Variants in TSPAN5 observed in about 807,000 individuals in gnomAD.
TSPAN5 encodes the protein tetraspanin 5, also known as tetraspanin-5.
A neutral mutation model predicts 37.1 loss-of-function variants in TSPAN5; 10 were observed. That is an observed-to-expected ratio of 0.27 (90% CI 0.17 to 0.46). The LOEUF (loss-of-function observed/expected upper bound fraction) is 0.46, where lower values mean the gene tolerates loss of function less well. TSPAN5 is among the 20% of genes least tolerant of loss of function. The probability of loss-of-function intolerance (pLI) is 1.00; values close to 1 mark genes in which losing one functional copy is unlikely to be tolerated. For synonymous variants in TSPAN5, 110 were observed against 118.9 expected (o/e 0.93, Z 0.48); for missense variants, 195 against 326.6 (o/e 0.60, Z 3.11).
At chr4:98,478,121 A>G (rs927353439) in intron 5 of TSPAN5, among the ~76,000 whole-genome samples, 3 of 152,172 alleles carry the variant, frequency 2.0e-5, no homozygotes, top group African/African-American at 7.2e-5. Flanking sequence ...GACATTCAGG[A>G]GTCTGGGCAG....
chr4:98,484,713 G>C (rs1752923224), intron 3 of TSPAN5: 4 of 392,482 alleles, frequency 1.0e-5, no homozygotes, highest in Non-Finnish European at 1.5e-5. Context: ...TGTAATCCCA[G>C]CATTCTGGGA....
Position 98,635,957 on chromosome 4 carries a change from G to T in TSPAN5, c.81+22189C>A, listed in dbSNP as rs76004600. On this transcript the variant is annotated intron_variant, in intron 1 of 7. Transcript: ENST00000305798. ...GAAGTTTAGGAAAGAGCACCCAAAG[G>T]GTATAATTCTGGAACCAATTTTGCA... 7.8e-3 allele frequency among the ~76,000 whole-genome samples: 1,184 copies of T among 152,212 alleles called. 20 individuals carry two copies. Among genetic ancestry groups the T allele is most frequent in the African/African-American group, 0.027 (1,138 of 41,528 alleles).
chr4:98,587,442 C>T lies in TSPAN5; in HGVS notation c.81+70704G>A, dbSNP rs541469459. ...GAAGCCTAATTATTAGCTTCTTCCT[C>T]GGCTGTCTGGCTTTTTCTTAGCTCC... On this transcript the variant is annotated intron_variant, in intron 1 of 7. Coordinates refer to ENST00000305798, the MANE Select transcript of TSPAN5 (RefSeq NM_005723.4). Among the ~76,000 whole-genome samples the T allele has an allele frequency of 2.0e-5, 3 of 152,280 alleles. No individual in the cohort carries two copies. In the South Asian group the frequency reaches 6.2e-4, roughly 32 times the overall value.
intron 1 of TSPAN5, among the ~76,000 whole-genome samples, chr4:98,583,970 T>TCC (rs1291601771): frequency 6.6e-6 from 1 of 151,678 alleles, no homozygotes; most frequent in Non-Finnish European, 1.5e-5. Flanking sequence ...TGTCCCTGGC[T>TCC]CCCCCTCCCT....
chr4:98,538,566 G>C (rs1209808871), intron 1 of TSPAN5, among the ~76,000 whole-genome samples: 1 of 152,220 alleles, frequency 6.6e-6, no homozygotes, highest in African/African-American at 2.4e-5. Flanking sequence ...TACACATTAA[G>C]TTAGAGCCAT....
At chr4:98,473,507 C>A (rs374865683) in intron 7 of TSPAN5, among the ~76,000 whole-genome samples, 3 of 147,696 alleles carry the variant, frequency 2.0e-5, no homozygotes, top group Admixed American at 6.8e-5. Context: ...GGCCGGACTG[C>A]GGACTGCAGT....
chr4:98,551,860 G>C (rs916729491), intron 1 of TSPAN5, among the ~76,000 whole-genome samples: 5 of 151,812 alleles, frequency 3.3e-5, no homozygotes, highest in African/African-American at 1.2e-4. Flanking sequence ...TTTTTTTGTT[G>C]AGAGATTTTT....
At chr4:98,641,008 C>A (rs1756953587) in intron 1 of TSPAN5, among the ~76,000 whole-genome samples, 1 of 152,188 alleles carries the variant, frequency 6.6e-6, no homozygotes, top group African/African-American at 2.4e-5. Flanking sequence ...TCCATGGTCA[C>A]ACAGCTTGGA....
chr4:98,493,062 A>T (rs2110271329), intron 2 of TSPAN5, among the ~76,000 whole-genome samples: 1 of 152,272 alleles, frequency 6.6e-6, no homozygotes, highest in Middle Eastern at 3.4e-3. Flanking sequence ...CTGTAGTCCT[A>T]GCTACTTGGG....
intron 1 of TSPAN5, among the ~76,000 whole-genome samples, chr4:98,581,829 A>G (rs1485502240): frequency 6.6e-6 from 1 of 152,238 alleles, no homozygotes; most frequent in Admixed American, 6.5e-5. Context: ...GACCCTCTGC[A>G]TGAAATCAAA....
chr4:98,555,976 C>G (rs1289695995), intron 1 of TSPAN5, among the ~76,000 whole-genome samples: 1 of 122,314 alleles, frequency 8.2e-6, no homozygotes, highest in Non-Finnish European at 1.6e-5. Context: ...CACACGCGCG[C>G]GCACACACAC....
chr4:98,480,055 CT>C (rs1752804862), intron 4 of TSPAN5, among the ~76,000 whole-genome samples: 1 of 152,180 alleles, frequency 6.6e-6, no homozygotes, highest in South Asian at 2.1e-4. Context: ...GGTGACCCCC[CT>C]GGACCCAGCT....
intron 4 of TSPAN5, among the ~76,000 whole-genome samples, chr4:98,480,584 A>T (rs893444937): frequency 1.3e-5 from 2 of 152,156 alleles, no homozygotes; most frequent in Non-Finnish European, 2.9e-5. Flanking sequence ...CTACTTCTAA[A>T]CATTACATTC....
At chr4:98,520,865 G>A (rs144868431) in intron 1 of TSPAN5, among the ~76,000 whole-genome samples, 70 of 151,612 alleles carry the variant, frequency 4.6e-4, no homozygotes, top group African/African-American at 1.2e-3. Context: ...TCATGGAATC[G>A]GTACTTATCT....
At chr4:98,647,302 T>C (rs541645437) in intron 1 of TSPAN5, among the ~76,000 whole-genome samples, 2 of 152,334 alleles carry the variant, frequency 1.3e-5, no homozygotes, top group South Asian at 2.1e-4. Context: ...ATTAGATTAC[T>C]TACTTGGCAG....
At chr4:98,618,496 C>A (rs1756398872) in intron 1 of TSPAN5, among the ~76,000 whole-genome samples, 1 of 152,190 alleles carries the variant, frequency 6.6e-6, no homozygotes, top group South Asian at 2.1e-4. Flanking sequence ...ATTGATTGAG[C>A]TTCACTACGT....
intron 2 of TSPAN5, among the ~76,000 whole-genome samples, chr4:98,490,075 C>G (rs1292685362): frequency 6.6e-6 from 1 of 152,164 alleles, no homozygotes. Flanking sequence ...TTTAGGATTC[C>G]TTTCAACTTT....
At chr4:98,606,280 T>C (rs1002307306) in intron 1 of TSPAN5, among the ~76,000 whole-genome samples, 1 of 152,230 alleles carries the variant, frequency 6.6e-6, no homozygotes, top group South Asian at 2.1e-4. Context: ...TCAAGTTCAA[T>C]TGTTGTCTTA....
chr4:98,520,635 C>T (rs1332029724), intron 1 of TSPAN5, among the ~76,000 whole-genome samples: 3 of 152,306 alleles, frequency 2.0e-5, no homozygotes, highest in Middle Eastern at 3.4e-3. Context: ...ATGATAGTCT[C>T]CTCAAGTGTA....
Sources: gnomAD v4.1 joint callset for allele counts (sites outside exome capture counted in the v4.1 genomes callset) on GRCh38, gnomAD v4.1.1 for gene constraint, MANE v1.5 for transcripts, NCBI Gene and HGNC (gene_info 2026-07-23, HGNC 2026-07-21) for gene names.